Variants in LVRN observed in about 807,000 individuals in gnomAD.
LVRN encodes laeverin.
Under a neutral mutation model 111.4 loss-of-function variants are expected in LVRN, and 99 were observed. The ratio of observed to expected loss-of-function variants is 0.89; its 90% CI spans 0.76 to 1.05. The LOEUF is 1.05. Among genes scored for constraint, LVRN ranks in the 50% least tolerant of loss-of-function variants. The pLI is 0.00. For synonymous variants in LVRN, 488 were observed against 449.5 expected, an observed-to-expected ratio of 1.09 and a Z score of -1.08; for missense variants, 1,414 against 1,206.8, an observed-to-expected ratio of 1.17 and a Z score of -2.54.
At chr5:115,988,881 G>T (rs551748959) in intron 4 of LVRN, among the ~76,000 whole-genome samples, 4 of 152,102 alleles carry the variant, frequency 2.6e-5, no homozygotes, top group East Asian at 1.9e-4. Flanking sequence ...CTCCCAAGAC[G>T]CCCCTTGTCT....
intron 6 of LVRN, chr5:115,995,329 C>T (rs992454380): frequency 1.3e-5 from 2 of 152,196 alleles, no homozygotes; most frequent in Non-Finnish European, 2.9e-5. Context: ...CTGTTTGTGA[C>T]ATCACAGCAT....
intron 1 of LVRN, among the ~76,000 whole-genome samples, chr5:115,973,900 G>A (rs1445710): frequency 0.23 from 35,499 of 151,866 alleles, 4,470 homozygotes; most frequent in South Asian, 0.27. Flanking sequence ...AAGTTTATTT[G>A]GTCTGCCTTG....
chr5:115,983,554 G>C (rs1747768871), intron 2 of LVRN, 125 bp downstream of exon 2: 1 of 1,084,120 alleles, frequency 9.2e-7, no homozygotes, highest in East Asian at 2.9e-5. Context: ...CTATAATTAG[G>C]TAGAGCAGTC....
chr5:116,020,843 C>G (rs1050534050), intron 18 of LVRN, among the ~76,000 whole-genome samples: 2 of 152,146 alleles, frequency 1.3e-5, no homozygotes, highest in Non-Finnish European at 2.9e-5. Flanking sequence ...CTGGAGTACC[C>G]AAATCACTGT....
intron 18 of LVRN, among the ~76,000 whole-genome samples, chr5:116,017,239 G>A (rs1460543689): frequency 6.6e-6 from 1 of 152,228 alleles, no homozygotes; most frequent in Non-Finnish European, 1.5e-5. Context: ...CACTGGAGAG[G>A]AGTTAGGAGT....
chr5:115,967,449 A>G (rs1336207360), intron 1 of LVRN, among the ~76,000 whole-genome samples: 1 of 152,214 alleles, frequency 6.6e-6, no homozygotes. Flanking sequence ...TGGCCCCACT[A>G]TTACTGGATT....
At chr5:116,002,950 A>T (rs1029710214) in intron 11 of LVRN, 39 bp downstream of exon 11, 1 of 1,432,672 alleles carries the variant, frequency 7.0e-7, no homozygotes, top group South Asian at 1.2e-5. Context: ...ATATATATGC[A>T]TATGTAAAGG....
rs1748215240 is a variant in LVRN, at chr5:116,000,508, C to A, written c.1581+10C>A. The A allele has an allele frequency of 1.2e-6, 2 of 1,614,006 alleles. No individual in the cohort carries two copies. Among genetic ancestry groups the A allele is most frequent in the East Asian group, 2.2e-5 (1 of 44,870 alleles). On this transcript the variant is annotated intron_variant, in intron 8 of 19. Coordinates refer to ENST00000357872, the MANE Select transcript of LVRN (RefSeq NM_173800.5). ...TGTCAGTGCACTCAAGGTGAGTTTG[C>A]AAAATAGTCGTTACCTGGATGGCAG... is the stretch of plus-strand genomic sequence containing the variant.
Position 115,996,172 on chromosome 5 carries a change from G to A in LVRN, c.1374+2318G>A, listed in dbSNP as rs372951713. ...GTGGATAGAGTAAATAAGGGAAGAA[G>A]TTTAATTCCCATAAGACAATGAAAT... On this transcript the variant is annotated intron_variant, in intron 6 of 19. Transcript: ENST00000357872. Among the ~76,000 whole-genome samples, 7 of 152,148 alleles carry A rather than the reference G, an allele frequency of 4.6e-5. No individual in the cohort carries two copies. In the East Asian group the frequency reaches 1.2e-3, roughly 25 times the overall value.
intron 1 of LVRN, among the ~76,000 whole-genome samples, chr5:115,977,624 T>G (rs1753475504): frequency 6.6e-6 from 1 of 152,182 alleles, no homozygotes; most frequent in African/African-American, 2.4e-5. Flanking sequence ...AGTTTTAGTA[T>G]TTATTACGTT....
intron 1 of LVRN, among the ~76,000 whole-genome samples, chr5:115,978,889 C>T (rs1396747380): frequency 6.6e-6 from 1 of 152,146 alleles, no homozygotes. Context: ...TGGTCTCATT[C>T]TGGTCTTACA....
At chr5:116,011,025 A>AACATAAAACCACATCTGTAAT (rs1385736553) in intron 14 of LVRN, 131 bp downstream of exon 14, 2 of 253,706 alleles carry the variant, frequency 7.9e-6, no homozygotes, top group Admixed American at 6.5e-5. Flanking sequence ...ATATATATAT[A>AACATAAAACCACATCTGTAAT]TGGAAGTATA....
rs2112571652 is a variant in LVRN, at chr5:115,983,397, G to A, written c.806G>A (p.Ser269Asn). Residue 269 changes from serine (S) to asparagine (N), a missense_variant, in exon 2 of 20, where the codon AGT becomes AAT. Physicochemically the swap from Ser to Asn is conservative, Grantham distance 46. Transcript: ENST00000357872. ...TFNITMIHHP[S>N]YVALSNMPKL... is the part of the protein sequence containing the mutation. ...AATATTACAATGATTCATCATCCAA[G>A]TTATGTGGCCCTTTCCAACATGCCA... 6.2e-7 allele frequency: 1 copy of A among 1,609,158 alleles called. No homozygotes were observed. Among genetic ancestry groups the A allele is most frequent in the African/African-American group, 1.3e-5 (1 of 74,720 alleles).
intron 13 of LVRN, 93 bp from the exon 14 acceptor site, chr5:116,010,648 G>A: frequency 7.8e-7 from 1 of 1,283,882 alleles, no homozygotes. Context: ...CCTTATTGAA[G>A]TCATGCATTG....
intron 1 of LVRN, among the ~76,000 whole-genome samples, chr5:115,978,200 G>A (rs1156826939): frequency 1.3e-5 from 2 of 152,148 alleles, no homozygotes; most frequent in Admixed American, 6.6e-5. Flanking sequence ...GTCTCAAAAC[G>A]AGGTCAGAGA....
In LVRN at chr5:115,963,178, C is replaced by T; in HGVS notation, c.561C>T (p.Tyr187=). The T allele has an allele frequency of 6.2e-7, 1 of 1,612,924 alleles. No homozygotes were observed. The highest frequency in any genetic ancestry group is 1.1e-5 in the South Asian group (1 of 90,976). ...DDVWFALDTE[Y]MVLELSEPLK... is the part of the protein sequence containing the mutation. ...TGTGGTTCGCGCTGGACACGGAATA[C>T]ATGGTGCTGGAGCTCAGTGAGCCCC... The change falls in exon 1 of 20, where the codon TAC becomes TAT. Residue 187 remains tyrosine, a synonymous_variant. Coordinates refer to ENST00000357872, the MANE Select transcript of LVRN (RefSeq NM_173800.5).
Position 116,027,034 on chromosome 5 carries a change from A to C in LVRN, c.*916A>C, listed in dbSNP as rs760558384. 1.4e-4 allele frequency: 21 copies of C among 152,198 alleles called. No homozygotes were observed. Among genetic ancestry groups the C allele is most frequent in the Non-Finnish European group, 2.6e-4 (18 of 68,026 alleles). 9.4% of individuals were successfully genotyped at this position (152,198 alleles called of 1,614,324 possible). ...TGGAGCATAATCCTTACAGTTTTGCACTCAGGGGATTAAGTTTGAAACATA... is the reference window on the plus strand; with the variant it reads ...TGGAGCATAATCCTTACAGTTTTGCCCTCAGGGGATTAAGTTTGAAACATA... On this transcript the variant is annotated 3_prime_UTR_variant, in exon 20 of 20. Coordinates refer to ENST00000357872, the MANE Select transcript of LVRN (RefSeq NM_173800.5).
intron 1 of LVRN, 92 bp downstream of exon 1, chr5:115,963,404 G>T: frequency 3.1e-6 from 3 of 981,628 alleles, no homozygotes; most frequent in Non-Finnish European, 4.4e-6. Flanking sequence ...GTCCAGGTGC[G>T]CGTCTGCTGC....
intron 9 of LVRN, 25 bp downstream of exon 9, chr5:116,000,683 T>G: frequency 1.2e-5 from 19 of 1,609,780 alleles, no homozygotes; most frequent in Non-Finnish European, 1.6e-5. Flanking sequence ...TTCTGACACA[T>G]TCTTGCTGAG....
Sources: allele counts gnomAD v4.1 joint callset (sites outside exome capture counted in the v4.1 genomes callset), GRCh38; gene constraint gnomAD v4.1.1; transcripts MANE v1.5; gene names NCBI Gene and HGNC (gene_info 2026-07-23, HGNC 2026-07-21).